DNAJC1: variants seen among roughly 807,000 people sequenced by gnomAD.
DNAJC1 encodes the protein DnaJ heat shock protein family (Hsp40) member C1.
In DNAJC1, 58 loss-of-function variants were observed where a neutral mutation model predicts 76.6. The observed-to-expected ratio is 0.76, with a 90% CI of 0.61 to 0.94. The LOEUF (loss-of-function observed/expected upper bound fraction) is 0.94. Ranked by LOEUF, DNAJC1 falls within the 40% of genes least tolerant of loss-of-function variation. DNAJC1 has a pLI of 0.00. For missense variants in DNAJC1, 689 were observed against 677.3 expected (o/e 1.02, Z -0.19); for synonymous variants, 258 against 267.9 (o/e 0.96, Z 0.36).
chr10:21,839,371 A>G (rs1835531385), intron 8 of DNAJC1, among the ~76,000 whole-genome samples: 1 of 152,246 alleles, frequency 6.6e-6, no homozygotes, highest in Non-Finnish European at 1.5e-5. Context: ...AATTAAGAAG[A>G]AAAGACAGAA....
chr10:21,844,907 G>A (rs1177694119), intron 8 of DNAJC1, among the ~76,000 whole-genome samples: 4 of 152,118 alleles, frequency 2.6e-5, no homozygotes, highest in Non-Finnish European at 1.5e-5. Flanking sequence ...GTGCCTACCT[G>A]TAGCCCAAGC....
chr10:21,903,566 T>C (rs1488951953), intron 7 of DNAJC1, among the ~76,000 whole-genome samples: 4 of 152,334 alleles, frequency 2.6e-5, no homozygotes, highest in East Asian at 3.9e-4. Flanking sequence ...TTAATATTCA[T>C]GGCATTACAT....
intron 6 of DNAJC1, among the ~76,000 whole-genome samples, chr10:21,913,843 G>A (rs1395901431): frequency 6.6e-6 from 1 of 152,138 alleles, no homozygotes; most frequent in African/African-American, 2.4e-5. Flanking sequence ...TAAGCCCTCT[G>A]TTGATATAGT....
Position 21,786,463 on chromosome 10 carries a change from T to TAGAG in DNAJC1, c.1098+19513_1098+19516dup, listed in dbSNP as rs1159399044. ...ATATATATATATATATATATATATA[T>TAGAG]AGAGAGAGAGAGAGAGAGAGAGAGA... is the stretch of plus-strand genomic sequence containing the variant. On this transcript the variant is annotated intron_variant, in intron 9 of 11. Coordinates refer to ENST00000376980, the MANE Select transcript of DNAJC1 (RefSeq NM_022365.4). 3.8e-3 allele frequency among the ~76,000 whole-genome samples: 89 copies of TAGAG among 23,404 alleles called. 3 individuals are homozygous for TAGAG. The highest frequency in any genetic ancestry group is 5.7e-3 in the Admixed American group (8 of 1,396). The allele number at this position is 23,404 out of a possible 152,430, so 15.4% of individuals were successfully genotyped here.
At chr10:21,769,091 C>A (rs761489888) in intron 9 of DNAJC1, among the ~76,000 whole-genome samples, 5 of 152,166 alleles carry the variant, frequency 3.3e-5, no homozygotes, top group Non-Finnish European at 7.3e-5. Flanking sequence ...GCCTCTTGTT[C>A]CCTAATAGAA....
chr10:21,760,977 CA>C (rs200254701), intron 10 of DNAJC1, among the ~76,000 whole-genome samples: 1,965 of 152,004 alleles, frequency 0.013, 20 homozygotes, highest in Middle Eastern at 0.061. Flanking sequence ...CCAGGAGTTC[CA>C]GACCAGCTTG....
At chr10:22,000,797 C>A (rs1364477413) in intron 1 of DNAJC1, among the ~76,000 whole-genome samples, 2 of 152,184 alleles carry the variant, frequency 1.3e-5, no homozygotes, top group East Asian at 3.9e-4. Flanking sequence ...GAGGACACAG[C>A]AAGAAGGTGC....
At chr10:21,970,695 T>C (rs921526318) in intron 1 of DNAJC1, among the ~76,000 whole-genome samples, 3 of 152,024 alleles carry the variant, frequency 2.0e-5, no homozygotes, top group African/African-American at 7.2e-5. Context: ...CAGAGTTGAC[T>C]TGATGCATGC....
At chr10:21,847,502 G>A (rs1215114883) in intron 8 of DNAJC1, among the ~76,000 whole-genome samples, 1 of 151,916 alleles carries the variant, frequency 6.6e-6, no homozygotes, top group Non-Finnish European at 1.5e-5. Context: ...TGTTAACTAT[G>A]GTCACTCTAC....
At chr10:21,927,136 G>A (rs1837141152) in intron 3 of DNAJC1, among the ~76,000 whole-genome samples, 6 of 152,096 alleles carry the variant, frequency 3.9e-5, no homozygotes. Context: ...ACGCTTCTTG[G>A]ACTCTTTCAA....
intron 4 of DNAJC1, 105 bp from the exon 5 acceptor site, chr10:21,920,034 G>C (rs1030589079): frequency 1.5e-6 from 1 of 666,464 alleles, no homozygotes; most frequent in Middle Eastern, 3.2e-4. Context: ...GAACATTTAT[G>C]CAAATGTATG....
intron 1 of DNAJC1, among the ~76,000 whole-genome samples, chr10:21,932,088 G>A (rs1244026426): frequency 6.6e-6 from 1 of 152,162 alleles, no homozygotes; most frequent in Non-Finnish European, 1.5e-5. Context: ...CGTAATCCCA[G>A]CACTTTGGAA....
chr10:21,965,583 A>T (rs1837877375), intron 1 of DNAJC1, among the ~76,000 whole-genome samples: 1 of 152,244 alleles, frequency 6.6e-6, no homozygotes, highest in Admixed American at 6.5e-5. Flanking sequence ...AAACAAACTC[A>T]GACTTGGGAG....
intron 1 of DNAJC1, among the ~76,000 whole-genome samples, chr10:21,943,656 T>G (rs1312324767): frequency 6.6e-6 from 1 of 152,212 alleles, no homozygotes; most frequent in Non-Finnish European, 1.5e-5. Context: ...TTCTTTCTGC[T>G]GTGGTTCCTG....
intron 1 of DNAJC1, among the ~76,000 whole-genome samples, chr10:21,990,369 AT>A (rs1392791056): frequency 6.6e-6 from 1 of 151,936 alleles, no homozygotes; most frequent in Non-Finnish European, 1.5e-5. Context: ...GTTTGGATGT[AT>A]TTTTTTTAAA....
chr10:21,849,664 A>T (rs1199271272), intron 8 of DNAJC1, among the ~76,000 whole-genome samples: 1 of 152,160 alleles, frequency 6.6e-6, no homozygotes, highest in Non-Finnish European at 1.5e-5. Flanking sequence ...CAGCATGAGA[A>T]AAGAAACTAT....
At chr10:21,983,937 G>A (rs1838197818) in intron 1 of DNAJC1, among the ~76,000 whole-genome samples, 1 of 152,028 alleles carries the variant, frequency 6.6e-6, no homozygotes, top group African/African-American at 2.4e-5. Context: ...TTTACATTAT[G>A]TATATTTTAC....
intron 1 of DNAJC1, among the ~76,000 whole-genome samples, chr10:21,985,427 T>C (rs1211577401): frequency 1.3e-5 from 2 of 152,132 alleles, no homozygotes; most frequent in Non-Finnish European, 2.9e-5. Context: ...TTTCGTATTT[T>C]TAGCAGAGGT....
intron 1 of DNAJC1, among the ~76,000 whole-genome samples, chr10:22,002,956 G>T (rs1390156085): frequency 2.6e-5 from 4 of 152,138 alleles, no homozygotes; most frequent in Non-Finnish European, 4.4e-5. Flanking sequence ...CAGAGAGAAG[G>T]CATCGCCACC....
Sources: gnomAD v4.1 joint callset for allele counts (sites outside exome capture counted in the v4.1 genomes callset) on GRCh38, gnomAD v4.1.1 for gene constraint, MANE v1.5 for transcripts, NCBI Gene and HGNC (gene_info 2026-07-23, HGNC 2026-07-21) for gene names.